Variants in HDAC9 observed in about 807,000 individuals in gnomAD.
HDAC9 encodes the protein histone deacetylase 9, also known as MEF-2 interacting transcription repressor (MITR) protein.
HDAC9 carries 41 observed loss-of-function variants against 139.4 expected under a neutral mutation model. The ratio of observed to expected loss-of-function variants is 0.29; its 90% CI spans 0.23 to 0.38. The LOEUF (loss-of-function observed/expected upper bound fraction) is 0.38, where lower values mean the gene tolerates loss of function less well. Ranked by LOEUF, HDAC9 falls within the 10% of genes least tolerant of loss-of-function variation. The probability of loss-of-function intolerance (pLI) is 1.00; values close to 1 mark genes in which losing one functional copy is unlikely to be tolerated. For synonymous variants in HDAC9, 517 were observed against 476.2 expected, an observed-to-expected ratio of 1.09 and a Z score of -1.12; for missense variants, 1,147 against 1,297.0, an observed-to-expected ratio of 0.88 and a Z score of 1.78.
chr7:18,252,874 A>T (rs1795006722), intron 2 of HDAC9, among the ~76,000 whole-genome samples: 2 of 152,124 alleles, frequency 1.3e-5, no homozygotes, highest in Admixed American at 6.5e-5. Flanking sequence ...CCCAGGTATT[A>T]AGCCTAGTCC....
intron 25 of HDAC9, among the ~76,000 whole-genome samples, chr7:18,991,715 T>G (rs917404304): frequency 2.6e-5 from 4 of 152,214 alleles, no homozygotes; most frequent in African/African-American, 9.6e-5. Context: ...AGTCATTTGA[T>G]TCTCTGTCTT....
At chr7:18,788,474 G>C (rs574846379) in intron 16 of HDAC9, among the ~76,000 whole-genome samples, 1 of 152,208 alleles carries the variant, frequency 6.6e-6, no homozygotes, top group South Asian at 2.1e-4. Context: ...CCAAATATTG[G>C]CTGAACGCGG....
At chr7:18,414,737 C>T (rs181932454) in intron 1 of HDAC9, among the ~76,000 whole-genome samples, 7 of 152,264 alleles carry the variant, frequency 4.6e-5, no homozygotes, top group East Asian at 1.9e-4. Context: ...TAGGCACAAA[C>T]GCTTCTTAGA....
chr7:18,687,937 A>G (rs1005054381), intron 12 of HDAC9, among the ~76,000 whole-genome samples: 1 of 151,774 alleles, frequency 6.6e-6, no homozygotes, highest in Non-Finnish European at 1.5e-5. Flanking sequence ...ATAACTTTTT[A>G]CTTTATAGAA....
intron 17 of HDAC9, among the ~76,000 whole-genome samples, chr7:18,797,486 A>C (rs1450112668): frequency 2.6e-5 from 4 of 152,184 alleles, no homozygotes; most frequent in African/African-American, 9.6e-5. Context: ...CTCAGTACTT[A>C]TCTCATTCCT....
intron 1 of HDAC9, among the ~76,000 whole-genome samples, chr7:18,364,513 C>A (rs140047096): frequency 2.2e-3 from 331 of 152,152 alleles, no homozygotes; most frequent in African/African-American, 7.4e-3. Context: ...GAAGAAGAGA[C>A]AGTCATTCGA....
chr7:18,864,239 G>C (rs1798321955), intron 21 of HDAC9, among the ~76,000 whole-genome samples: 1 of 152,160 alleles, frequency 6.6e-6, no homozygotes, highest in Non-Finnish European at 1.5e-5. Flanking sequence ...CAACATGGAT[G>C]AACCCAGAGA....
At chr7:18,528,938 G>A (rs1038530782) in intron 2 of HDAC9, among the ~76,000 whole-genome samples, 1 of 151,996 alleles carries the variant, frequency 6.6e-6, no homozygotes, top group African/African-American at 2.4e-5. Flanking sequence ...GAGATAAAAT[G>A]GCTATTTTAG....
intron 21 of HDAC9, among the ~76,000 whole-genome samples, chr7:18,860,403 G>C (rs181569784): frequency 6.6e-6 from 1 of 152,074 alleles, no homozygotes; most frequent in Non-Finnish European, 1.5e-5. Context: ...CAACCACCAG[G>C]TTGCTATAGA....
chr7:18,602,689 GT>G (rs1209784850), intron 6 of HDAC9, among the ~76,000 whole-genome samples: 2 of 151,712 alleles, frequency 1.3e-5, no homozygotes, highest in African/African-American at 2.4e-5. Flanking sequence ...TATCCTGAGA[GT>G]TTTTTTAAGT....
rs190167438 is a variant in HDAC9 at position 18,849,777 on chromosome 7, C to A, written c.2684+13780C>A. ...TACTCTCCATGATGAGAAAGCACAC[C>A]CCGAAATAAGACATTAAATGTTAGA... On this transcript the variant is annotated intron_variant, in intron 21 of 25. Transcript: ENST00000686413. 9.7e-4 allele frequency among the ~76,000 whole-genome samples: 148 copies of A among 151,968 alleles called. 1 individual carries two copies. Among genetic ancestry groups the A allele is most frequent in the African/African-American group, 3.4e-3 (139 of 41,442 alleles).
chr7:18,482,206 G>T (rs1356636691), intron 1 of HDAC9, among the ~76,000 whole-genome samples: 1 of 151,214 alleles, frequency 6.6e-6, no homozygotes, highest in African/African-American at 2.4e-5. Flanking sequence ...CTGAAAACAG[G>T]GGCACAACCA....
At chr7:18,497,070 C>A (rs1350049719) in intron 2 of HDAC9, among the ~76,000 whole-genome samples, 1 of 152,096 alleles carries the variant, frequency 6.6e-6, no homozygotes, top group Non-Finnish European at 1.5e-5. Context: ...GGAGATTGAG[C>A]TTGTCAGCCT....
intron 3 of HDAC9, among the ~76,000 whole-genome samples, chr7:18,587,792 T>G (rs1009980423): frequency 9.9e-5 from 15 of 152,194 alleles, no homozygotes; most frequent in African/African-American, 3.6e-4. Context: ...GGGCTAAAGT[T>G]TTATTTCTTT....
chr7:18,202,224 A>G (rs2128160254), intron 2 of HDAC9, among the ~76,000 whole-genome samples: 1 of 152,300 alleles, frequency 6.6e-6, no homozygotes, highest in Non-Finnish European at 1.5e-5. Flanking sequence ...TGGAAATTTT[A>G]GTTGATTCAT....
chr7:18,267,393 A>C (rs573559236), intron 2 of HDAC9, among the ~76,000 whole-genome samples: 1 of 152,212 alleles, frequency 6.6e-6, no homozygotes, highest in South Asian at 2.1e-4. Flanking sequence ...TCTTGAACTT[A>C]TTCCTCCTAT....
intron 1 of HDAC9, among the ~76,000 whole-genome samples, chr7:18,132,933 T>C (rs932147319): frequency 6.6e-6 from 1 of 152,136 alleles, no homozygotes; most frequent in African/African-American, 2.4e-5. Flanking sequence ...CACCCTAAGG[T>C]TAACAGTCTT....
intron 22 of HDAC9, among the ~76,000 whole-genome samples, chr7:18,876,587 A>T (rs1173089916): frequency 6.6e-6 from 1 of 152,208 alleles, no homozygotes; most frequent in African/African-American, 2.4e-5. Context: ...ATCTGAAATA[A>T]CTGGGGTTAA....
At chr7:18,090,856 T>TA (rs78945475) in intron 1 of HDAC9, among the ~76,000 whole-genome samples, 64 of 152,106 alleles carry the variant, frequency 4.2e-4, no homozygotes, top group East Asian at 2.3e-3. Flanking sequence ...AGACTTTTTT[T>TA]AAAAAAAAGA....
Sources: allele counts gnomAD v4.1 joint callset (sites outside exome capture counted in the v4.1 genomes callset), GRCh38; gene constraint gnomAD v4.1.1; transcripts MANE v1.5; gene names NCBI Gene and HGNC (gene_info 2026-07-23, HGNC 2026-07-21).